The following SBF2 variants were observed in gnomAD, a reference collection of about 807,000 sequenced individuals.
SBF2 encodes the protein myotubularin-related protein 13.
SBF2 carries 112 observed loss-of-function variants against 225.2 expected under a neutral mutation model. The observed-to-expected ratio is 0.50, with a 90% CI of 0.43 to 0.58. The LOEUF (loss-of-function observed/expected upper bound fraction) is 0.58, where lower values mean the gene tolerates loss of function less well. SBF2 is among the 20% of genes least tolerant of loss of function. The probability of loss-of-function intolerance (pLI) is 0.00; values close to 1 mark genes in which losing one functional copy is unlikely to be tolerated. For missense variants in SBF2, 1,996 were observed against 2,206.2 expected, an observed-to-expected ratio of 0.90 and a Z score of 1.91; for synonymous variants, 763 against 773.3, an observed-to-expected ratio of 0.99 and a Z score of 0.22.
At chr11:9,994,096 TATTCCCTCC>T in intron 9 of SBF2, 98 bp from the exon 10 acceptor site, 3 of 917,850 alleles carry the variant, frequency 3.3e-6, no homozygotes, top group Non-Finnish European at 5.2e-6. Flanking sequence ...AATTATAATA[TATTCCCTCC>T]ATGAATACAA....
upstream of SBF2, among the ~76,000 whole-genome samples, chr11:10,299,048 A>C (rs980706662): frequency 1.3e-4 from 20 of 152,238 alleles, no homozygotes; most frequent in Admixed American, 3.3e-4. Flanking sequence ...ATGACGTAGA[A>C]AGTGTCCTGG....
chr11:9,917,690 T>G (rs79206363), intron 16 of SBF2, among the ~76,000 whole-genome samples: 1 of 151,460 alleles, frequency 6.6e-6, no homozygotes, highest in Non-Finnish European at 1.5e-5. Context: ...CTTTTTTTTT[T>G]CATCTTCAGA....
Position 10,294,158 on chromosome 11 carries a change from C to T in SBF2, c.-89G>A. ...GGCCCGGGAGGGCTCAGCATTTTCC[C>T]TGCAGCGGCAGTAGCGGCAGCGGCA... On this transcript the variant is annotated 5_prime_UTR_variant, in exon 1 of 40. Transcript: ENST00000256190. The T allele has an allele frequency of 2.0e-6, 2 of 1,021,548 alleles. No homozygotes were observed. The highest frequency in any genetic ancestry group is 2.5e-6 in the Non-Finnish European group (2 of 787,418). 63.3% of individuals were successfully genotyped at this position (1,021,548 alleles called of 1,614,324 possible). A position where few individuals can be genotyped will look rare whatever the true frequency, so the allele number is the denominator to read the frequency against.
upstream of SBF2, among the ~76,000 whole-genome samples, chr11:10,297,116 T>C (rs191321203): frequency 9.4e-4 from 143 of 152,338 alleles, no homozygotes; most frequent in Admixed American, 2.8e-3. Context: ...CCTTGTCAGA[T>C]ATATGATTTG....
rs1160565099 is a variant in SBF2 at position 9,822,257 on chromosome 11, TC to T, written c.3794-5234del. Among the ~76,000 whole-genome samples the T allele has an allele frequency of 1.5e-4, 22 of 147,864 alleles. No individual in the cohort carries two copies. The South Asian group carries it at 3.0e-3, about 20-fold the overall frequency. ...GGTTTGAATTAGAATGTAACTAAAC[TC>T]TTTTTTTTTTTTTTTTTTTTGAGAC... On this transcript the variant is annotated intron_variant, in intron 28 of 39. Coordinates refer to ENST00000256190, the MANE Select transcript of SBF2 (RefSeq NM_030962.4).
chr11:10,117,579 C>T (rs1294298469), intron 2 of SBF2, among the ~76,000 whole-genome samples: 1 of 152,042 alleles, frequency 6.6e-6, no homozygotes, highest in African/African-American at 2.4e-5. Flanking sequence ...CACTGACATT[C>T]CTCTTTCCTG....
upstream of SBF2, among the ~76,000 whole-genome samples, chr11:10,297,772 A>G (rs181761344): frequency 3.3e-5 from 5 of 152,386 alleles, no homozygotes; most frequent in Admixed American, 2.6e-4. Flanking sequence ...AGATTTTAAC[A>G]TATCCTAGGT....
intron 1 of SBF2, among the ~76,000 whole-genome samples, chr11:10,237,886 G>A (rs1016272260): frequency 2.0e-5 from 3 of 152,130 alleles, no homozygotes; most frequent in Non-Finnish European, 4.4e-5. Context: ...ACTTTGGGAG[G>A]GGGTCACTTC....
At chr11:9,845,059 A>G (rs1440505019) in intron 24 of SBF2, among the ~76,000 whole-genome samples, 1 of 152,210 alleles carries the variant, frequency 6.6e-6, no homozygotes, top group African/African-American at 2.4e-5. Flanking sequence ...TGAGAGAGAG[A>G]ATGATAAACA....
At position 9,789,191 on chromosome 11, in the gene SBF2, G is replaced by C; in HGVS notation, c.4850C>G (p.Pro1617Arg). 1 of 1,614,122 alleles carries C rather than the reference G, an allele frequency of 6.2e-7. No individual in the cohort carries two copies. Among genetic ancestry groups the C allele is most frequent in the Non-Finnish European group, 8.5e-7 (1 of 1,180,020 alleles). Residue 1617 changes from proline to arginine, a missense_variant, in exon 35 of 40, where the codon CCA becomes CGA. Coordinates refer to ENST00000256190, the MANE Select transcript of SBF2 (RefSeq NM_030962.4). ...EDSDLAGEAG[P>R]RSQRRTVWPC... is the part of the protein sequence containing the mutation. ...CCACACTGTTCTCCTCTGGCTCCGT[G>C]GCCCAGCTTCTCCAGCCAGGTCAGA...
intron 13 of SBF2, among the ~76,000 whole-genome samples, chr11:9,971,572 AG>A (rs1365272779): frequency 6.6e-6 from 1 of 152,088 alleles, no homozygotes; most frequent in Non-Finnish European, 1.5e-5. Flanking sequence ...CCAGCTACTC[AG>A]GGGACTGAGG....
chr11:10,044,156 T>C (rs776523593), intron 2 of SBF2, among the ~76,000 whole-genome samples: 21 of 151,106 alleles, frequency 1.4e-4, no homozygotes, highest in Non-Finnish European at 7.4e-5. Flanking sequence ...AAATCAATGA[T>C]ACTGAAAACA....
In SBF2 at chr11:9,968,523, G is replaced by T. The variant is rs1404576349; in HGVS notation, c.1418C>A (p.Ala473Glu). The T allele has an allele frequency of 6.2e-7, 1 of 1,613,896 alleles. No individual in the cohort carries two copies. The highest frequency in any genetic ancestry group is 8.5e-7 in the Non-Finnish European group (1 of 1,179,814). The change falls in exon 14 of 40, where the codon GCA (alanine) becomes GAA (glutamate). Residue 473 changes from alanine (A) to glutamate (E), a missense_variant. Ala to Glu is a moderately radical substitution (Grantham distance 107, BLOSUM62 -1). Coordinates refer to ENST00000256190, the MANE Select transcript of SBF2 (RefSeq NM_030962.4). ...TGTTGGCCGTGGAACTTTCTGGAAT[G>T]CCATATGAGGATTTGGATTCTCCTG... ...FKNENPNPHM[A>E]FQKVPRPTEG...
rs1856595049 is a variant in SBF2 at position 9,846,984 on chromosome 11, CCTT to C, written c.2903_2905del (p.Glu968del). The C allele has an allele frequency of 1.2e-6, 2 of 1,613,842 alleles. No individual in the cohort carries two copies. Among genetic ancestry groups the C allele is most frequent in the African/African-American group, 1.3e-5 (1 of 75,028 alleles). The stretch of plus-strand genomic sequence containing the variant: ...AAAAGATGCTGATGTGATCTGCAGT[CCTT>C]CTTGCATGTTCTGCTGTAGCTGGTT... On this transcript the variant is annotated inframe_deletion, in exon 23 of 40. Coordinates refer to ENST00000256190, the MANE Select transcript of SBF2 (RefSeq NM_030962.4).
chr11:9,896,357 G>A (rs566465193), intron 16 of SBF2, among the ~76,000 whole-genome samples: 79 of 151,876 alleles, frequency 5.2e-4, no homozygotes, highest in African/African-American at 1.9e-3. Flanking sequence ...ATTTTTTTTT[G>A]GAGGAAGTTT....
chr11:10,179,152 G>C (rs914288983), intron 2 of SBF2, among the ~76,000 whole-genome samples: 6 of 150,940 alleles, frequency 4.0e-5, no homozygotes, highest in African/African-American at 9.8e-5. Context: ...AATGAGAACA[G>C]CTGGACACAG....
At chr11:10,214,911 C>T (rs1175308754) in intron 1 of SBF2, among the ~76,000 whole-genome samples, 3 of 152,138 alleles carry the variant, frequency 2.0e-5, no homozygotes, top group Non-Finnish European at 2.9e-5. Flanking sequence ...CAGATGCTCA[C>T]AAAATCTTTG....
intron 25 of SBF2, 66 bp downstream of exon 25, chr11:9,842,559 A>G (rs930627147): frequency 1.4e-5 from 21 of 1,540,582 alleles, no homozygotes; most frequent in Admixed American, 3.3e-5. Flanking sequence ...GTGCAACTAC[A>G]TCTGAGTCTC....
chr11:9,876,410 G>A (rs1040417240), intron 17 of SBF2, among the ~76,000 whole-genome samples: 2 of 152,024 alleles, frequency 1.3e-5, no homozygotes, highest in Non-Finnish European at 1.5e-5. Context: ...TCCATCCAGC[G>A]TGCCCATATT....
Sources: gnomAD v4.1 joint callset for allele counts (sites outside exome capture counted in the v4.1 genomes callset) on GRCh38, gnomAD v4.1.1 for gene constraint, MANE v1.5 for transcripts, NCBI Gene and HGNC (gene_info 2026-07-23, HGNC 2026-07-21) for gene names.